The following TRPM3 variants were observed in gnomAD, a reference collection of about 807,000 sequenced individuals.
TRPM3 encodes the protein long transient receptor potential channel 3.
A neutral mutation model predicts 181.2 loss-of-function variants in TRPM3; 77 were observed. The observed-to-expected ratio is 0.42, with a 90% confidence interval of 0.35 to 0.51. TRPM3 has a LOEUF of 0.51. Ranked by LOEUF, TRPM3 falls within the 20% of genes least tolerant of loss-of-function variation. TRPM3 has a pLI of 0.01. For missense variants in TRPM3, 1,759 were observed against 2,196.7 expected (o/e 0.80, Z 3.98); for synonymous variants, 745 against 796.4 (o/e 0.94, Z 1.09).
chr9:71,343,336 C>G (rs2091086057), intron 1 of TRPM3, among the ~76,000 whole-genome samples: 1 of 152,106 alleles, frequency 6.6e-6, no homozygotes, highest in Non-Finnish European at 1.5e-5. Flanking sequence ...AGCTTCTGAT[C>G]AAAGTATTTT....
At chr9:71,147,424 G>GACACACAGACACACAC (rs1554835022) in intron 1 of TRPM3, among the ~76,000 whole-genome samples, 3 of 144,930 alleles carry the variant, frequency 2.1e-5, no homozygotes, top group Non-Finnish European at 4.5e-5. Flanking sequence ...GCAACACACA[G>GACACACAGACACACAC]ACACACACAC....
At chr9:71,012,832 CA>C (rs1358768635) in intron 1 of TRPM3, among the ~76,000 whole-genome samples, 1 of 151,972 alleles carries the variant, frequency 6.6e-6, no homozygotes, top group Non-Finnish European at 1.5e-5. Context: ...TGTTATCAGT[CA>C]ATACAGACAA....
chr9:71,054,392 G>C (rs905358759), intron 1 of TRPM3, among the ~76,000 whole-genome samples: 2 of 152,048 alleles, frequency 1.3e-5, no homozygotes, highest in Admixed American at 6.6e-5. Flanking sequence ...TCATAGGTAT[G>C]AACTCATAAA....
intron 8 of TRPM3, among the ~76,000 whole-genome samples, chr9:70,752,247 T>A (rs1286917532): frequency 6.6e-6 from 1 of 152,014 alleles, no homozygotes; most frequent in Admixed American, 6.6e-5. Context: ...ACTAGACAAG[T>A]AGGGAAGCCA....
Position 70,603,331 on chromosome 9 carries a change from A to G in TRPM3, c.2796+11T>C. On this transcript the variant is annotated intron_variant, in intron 20 of 25. Transcript: ENST00000677713. Reference sequence around the variant, plus strand: ...TCTTTCTCTTACGTTTTCTTTTATAAAAGCCGTTACCTCTCTCATCTTTTC... The same window carrying G: ...TCTTTCTCTTACGTTTTCTTTTATAGAAGCCGTTACCTCTCTCATCTTTTC... The G allele has an allele frequency of 1.2e-6, 2 of 1,609,312 alleles. No individual in the cohort carries two copies. The highest frequency in any genetic ancestry group is 1.7e-6 in the Non-Finnish European group (2 of 1,177,856).
In TRPM3 at chr9:71,335,950, G is replaced by T. The variant is rs185348322; in HGVS notation, c.183+110703C>A. Among the ~76,000 whole-genome samples the T allele has an allele frequency of 9.5e-4, 145 of 152,224 alleles. 1 individual carries two copies. Among genetic ancestry groups the T allele is most frequent in the South Asian group, 6.0e-3 (29 of 4,822 alleles). On this transcript the variant is annotated intron_variant, in intron 1 of 24. Coordinates refer to the TRPM3 transcript ENST00000357533. ...AAATCATCATGGAGTCCGTGAGATTGATCAGTCCAGGAGAAAAATATTCAA... is the reference window on the plus strand; with the variant it reads ...AAATCATCATGGAGTCCGTGAGATTTATCAGTCCAGGAGAAAAATATTCAA...
intron 1 of TRPM3, among the ~76,000 whole-genome samples, chr9:71,411,023 G>A (rs1256923561): frequency 6.6e-6 from 1 of 152,198 alleles, no homozygotes; most frequent in Non-Finnish European, 1.5e-5. Flanking sequence ...CTCAATAGAT[G>A]TAGAAAAGGC....
chr9:70,805,316 A>G (rs914427171), intron 6 of TRPM3, among the ~76,000 whole-genome samples: 2 of 151,920 alleles, frequency 1.3e-5, no homozygotes, highest in African/African-American at 4.8e-5. Context: ...ACTTTACCTC[A>G]CGAGGTCAGG....
At chr9:71,190,762 T>G (rs1376389319) in intron 1 of TRPM3, among the ~76,000 whole-genome samples, 1 of 151,858 alleles carries the variant, frequency 6.6e-6, no homozygotes, top group African/African-American at 2.4e-5. Context: ...GAATGCCATG[T>G]CCTCTGTTCT....
chr9:70,785,242 A>G (rs941556002), intron 6 of TRPM3, among the ~76,000 whole-genome samples: 1 of 152,216 alleles, frequency 6.6e-6, no homozygotes, highest in Non-Finnish European at 1.5e-5. Flanking sequence ...TGCTGTTTTC[A>G]GGTGAAAATT....
intron 1 of TRPM3, among the ~76,000 whole-genome samples, chr9:71,034,313 A>G (rs1256990211): frequency 6.6e-6 from 1 of 152,116 alleles, no homozygotes; most frequent in Non-Finnish European, 1.5e-5. Flanking sequence ...ATTTATTGAT[A>G]ATATTTATTA....
At chr9:70,661,413 A>C (rs569287307) in intron 9 of TRPM3, among the ~76,000 whole-genome samples, 1 of 152,286 alleles carries the variant, frequency 6.6e-6, no homozygotes, top group South Asian at 2.1e-4. Context: ...ACTTCTATTC[A>C]ACTTAGTACT....
chr9:71,245,293 A>C (rs1034212459), intron 1 of TRPM3, among the ~76,000 whole-genome samples: 1 of 152,020 alleles, frequency 6.6e-6, no homozygotes, highest in Non-Finnish European at 1.5e-5. Context: ...AAATACAAAA[A>C]ATTAGCCGGG....
rs999498487 is a variant in TRPM3 at position 70,851,072 on chromosome 9, T to C, written c.463-4481A>G. 1.3e-4 allele frequency among the ~76,000 whole-genome samples: 20 copies of C among 152,180 alleles called. 1 individual carries two copies. Among genetic ancestry groups the C allele is most frequent in the Non-Finnish European group, 1.2e-4 (8 of 68,034 alleles). ...TGTGGCTTTTGGAACCCCAAAATTC[T>C]CCATGTAGATCTGCACCTATACATT... On this transcript the variant is annotated intron_variant, in intron 3 of 25. Transcript: ENST00000677713.
intron 1 of TRPM3, among the ~76,000 whole-genome samples, chr9:71,073,359 C>T (rs1224252607): frequency 1.3e-5 from 2 of 152,132 alleles, no homozygotes; most frequent in Non-Finnish European, 2.9e-5. Context: ...GAAAGTAGGA[C>T]ATGTGACGGT....
intron 9 of TRPM3, among the ~76,000 whole-genome samples, chr9:70,659,522 C>A (rs2060822583): frequency 6.6e-6 from 1 of 152,072 alleles, no homozygotes; most frequent in African/African-American, 2.4e-5. Flanking sequence ...ATTATTCTTG[C>A]AGCACTGTAT....
At chr9:71,069,548 T>C (rs953558683) in intron 1 of TRPM3, among the ~76,000 whole-genome samples, 1 of 151,788 alleles carries the variant, frequency 6.6e-6, no homozygotes, top group African/African-American at 2.4e-5. Flanking sequence ...GGGGGTGGCA[T>C]GACGGGGATA....
At chr9:70,849,695 G>A (rs780866729) in intron 3 of TRPM3, among the ~76,000 whole-genome samples, 20 of 152,056 alleles carry the variant, frequency 1.3e-4, no homozygotes, top group African/African-American at 1.2e-4. Context: ...TATGTTGTGT[G>A]GGAAAGAAGG....
chr9:70,791,196 T>C (rs1032675508), intron 6 of TRPM3, among the ~76,000 whole-genome samples: 1 of 152,196 alleles, frequency 6.6e-6, no homozygotes, highest in African/African-American at 2.4e-5. Context: ...ACCCAATTGG[T>C]GAATGCCAGA....
Sources: gnomAD v4.1 joint callset for allele counts (sites outside exome capture counted in the v4.1 genomes callset) on GRCh38, gnomAD v4.1.1 for gene constraint, MANE v1.5 for transcripts, NCBI Gene and HGNC (gene_info 2026-07-23, HGNC 2026-07-21) for gene names.